The following PLB1 variants were observed in gnomAD, a reference collection of about 807,000 sequenced individuals.
PLB1 encodes phospholipase B1, membrane-associated.
PLB1 carries 242 observed loss-of-function variants against 227.4 expected under a neutral mutation model. The observed-to-expected ratio is 1.06, with a 90% CI of 0.96 to 1.18. The LOEUF (loss-of-function observed/expected upper bound fraction) is 1.18. Ranked by LOEUF, PLB1 falls within the 50% of genes most tolerant of loss-of-function variation. The probability of loss-of-function intolerance (pLI) is 0.00; values close to 1 mark genes in which losing one functional copy is unlikely to be tolerated. For synonymous variants in PLB1, 757 were observed against 682.2 expected, an observed-to-expected ratio of 1.11 and a Z score of -1.71; for missense variants, 1,858 against 1,816.3, an observed-to-expected ratio of 1.02 and a Z score of -0.42.
At position 28,627,965 on chromosome 2, in the gene PLB1, G is replaced by A. The variant is rs1688038846; in HGVS notation, c.3661-598G>A. Among the ~76,000 whole-genome samples, 4 of 152,270 alleles carry A rather than the reference G, an allele frequency of 2.6e-5. No homozygotes were observed. In the South Asian group the frequency reaches 8.3e-4, roughly 32 times the overall value. ...GAGGCCCATCTCCCTCTGCTATAAA[G>A]CAAAGCCCTGAGATTCAGCCTGCAA... On this transcript the variant is annotated intron_variant, in intron 51 of 57. Coordinates refer to ENST00000327757, the MANE Select transcript of PLB1 (RefSeq NM_153021.5).
At chr2:28,540,101 A>G (rs1481298722) in intron 11 of PLB1, among the ~76,000 whole-genome samples, 1 of 109,342 alleles carries the variant, frequency 9.1e-6, no homozygotes, top group Non-Finnish European at 1.8e-5. Context: ...CCTCCATCCC[A>G]TATCGACCCC....
chr2:28,616,857 C>T (rs1288943381), intron 44 of PLB1, among the ~76,000 whole-genome samples: 2 of 152,206 alleles, frequency 1.3e-5, no homozygotes, highest in East Asian at 3.8e-4. Context: ...AATATTTCAA[C>T]AAGTCTTATC....
At chr2:28,525,840 G>C in intron 5 of PLB1, 65 bp from the exon 6 acceptor site, 5 of 1,580,106 alleles carry the variant, frequency 3.2e-6, no homozygotes, top group Non-Finnish European at 4.3e-6. Context: ...CACAGCCAAG[G>C]GGAAGGGCTA....
intron 22 of PLB1, among the ~76,000 whole-genome samples, chr2:28,579,281 C>T (rs928826336): frequency 1.3e-5 from 2 of 152,152 alleles, no homozygotes; most frequent in African/African-American, 4.8e-5. Context: ...TTCCCATGGC[C>T]AAAACCAGCT....
chr2:28,601,470 C>A lies in PLB1; in HGVS notation c.2607+138C>A, dbSNP rs78338623. On this transcript the variant is annotated intron_variant, in intron 37 of 57. Transcript: ENST00000327757. ...CCTATGTCTGCACATATACACATAC[C>A]ACACACACACACACACACACACACA... The A allele has an allele frequency of 2.3e-4, 44 of 194,646 alleles. No individual in the cohort carries two copies. In the African/African-American group the frequency reaches 3.7e-3, roughly 16 times the overall value. The allele number at this position is 194,646 out of a possible 1,614,324, so 12.1% of individuals were successfully genotyped here.
chr2:28,528,533 A>C (rs1214433261), intron 6 of PLB1, among the ~76,000 whole-genome samples: 7 of 152,136 alleles, frequency 4.6e-5, no homozygotes, highest in Non-Finnish European at 8.8e-5. Flanking sequence ...TCCCAGCATC[A>C]CTTTCTCTAA....
At chr2:28,604,123 G>A in intron 40 of PLB1, 76 bp downstream of exon 40, 1 of 1,382,752 alleles carries the variant, frequency 7.2e-7, no homozygotes, top group Non-Finnish European at 1.0e-6. Flanking sequence ...GCCCCTAGAG[G>A]AGGCACACAG....
intron 1 of PLB1, among the ~76,000 whole-genome samples, chr2:28,502,985 A>T (rs1233857697): frequency 6.6e-6 from 1 of 151,994 alleles, no homozygotes; most frequent in African/African-American, 2.4e-5. Flanking sequence ...GTCCATTTCG[A>T]GTAAATTTGC....
At position 28,640,952 on chromosome 2, in the gene PLB1, C is replaced by T; in HGVS notation, c.4124C>T (p.Thr1375Ile). The change falls in exon 57 of 58, where the codon ACC becomes ATC. Residue 1375 changes from threonine (T) to isoleucine (I), a missense_variant. By Grantham distance (89) the Thr-to-Ile change is moderately conservative. Coordinates refer to ENST00000327757, the MANE Select transcript of PLB1 (RefSeq NM_153021.5). ...NMLEPVGRKTTSNNFTHSRAK... is the reference protein window; with the variant it reads ...NMLEPVGRKTISNNFTHSRAK... ...CTGGAACCAGTGGGCCGCAAGACTA[C>T]CTCCAACAACTTCACCCACAGCCGA... is the stretch of plus-strand genomic sequence containing the variant. 1.2e-6 allele frequency: 2 copies of T among 1,613,886 alleles called. No homozygotes were observed. The highest frequency in any genetic ancestry group is 1.7e-6 in the Non-Finnish European group (2 of 1,179,884).
intron 1 of PLB1, among the ~76,000 whole-genome samples, chr2:28,513,320 C>T (rs1430896274): frequency 6.6e-6 from 1 of 152,212 alleles, no homozygotes; most frequent in Non-Finnish European, 1.5e-5. Flanking sequence ...TTATTCAAGT[C>T]TGGTCTTTAG....
chr2:28,593,791 CA>C, intron 33 of PLB1, 37 bp downstream of exon 33: 1 of 1,565,280 alleles, frequency 6.4e-7, no homozygotes. Flanking sequence ...GCGTTCCCCC[CA>C]CAACAGAGAT....
chr2:28,508,084 C>T (rs530069445), intron 1 of PLB1, among the ~76,000 whole-genome samples: 25 of 152,264 alleles, frequency 1.6e-4, no homozygotes, highest in East Asian at 3.9e-4. Context: ...TCTGGAAATT[C>T]GGGATAGAAG....
intron 50 of PLB1, 77 bp from the exon 51 acceptor site, chr2:28,626,351 C>T (rs1010191731): frequency 3.4e-5 from 41 of 1,219,476 alleles, no homozygotes; most frequent in East Asian, 4.7e-5. Context: ...ACTTGGAGGG[C>T]GGGCGGGCTG....
chr2:28,542,443 G>A (rs1413988446), intron 13 of PLB1, among the ~76,000 whole-genome samples: 7 of 152,068 alleles, frequency 4.6e-5, no homozygotes, highest in South Asian at 2.1e-4. Context: ...ACTCTGTTCT[G>A]TAAAATCAGG....
In PLB1 at chr2:28,590,077, G is replaced by A. The variant is rs201617015; in HGVS notation, c.2088+1G>A. The A allele has an allele frequency of 4.9e-5, 79 of 1,610,598 alleles. No homozygotes were observed. The East Asian group carries it at 1.4e-3, about 30-fold the overall frequency. On this transcript the variant is annotated splice_donor_variant, in intron 29 of 57. Coordinates refer to ENST00000327757, the MANE Select transcript of PLB1 (RefSeq NM_153021.5). LOFTEE classifies it high-confidence loss of function. ...GATCAATATCACATGTCCGAACCAGGTAGAGTGGAAAGCACGTCCTTCCAG... is the reference window on the plus strand; with the variant it reads ...GATCAATATCACATGTCCGAACCAGATAGAGTGGAAAGCACGTCCTTCCAG...
At chr2:28,600,298 CAAAAG>C (rs2148297715) in intron 35 of PLB1, among the ~76,000 whole-genome samples, 1 of 152,178 alleles carries the variant, frequency 6.6e-6, no homozygotes, top group African/African-American at 2.4e-5. Context: ...AGTTTACAAA[CAAAAG>C]AATATACGTA....
chr2:28,587,898 TGCTGAGCA>T (rs1414467764), intron 26 of PLB1, among the ~76,000 whole-genome samples: 9 of 152,168 alleles, frequency 5.9e-5, no homozygotes, highest in Non-Finnish European at 1.0e-4. Context: ...TGGGTTCAGA[TGCTGAGCA>T]GCTGAAAAGC....
chr2:28,582,301 G>A, intron 24 of PLB1, 104 bp from the exon 25 acceptor site: 4 of 1,196,464 alleles, frequency 3.3e-6, no homozygotes, highest in South Asian at 1.3e-5. Flanking sequence ...GGGGGCAGAT[G>A]GAAGTCCCTA....
At chr2:28,569,896 G>A (rs1677702905) in intron 20 of PLB1, among the ~76,000 whole-genome samples, 2 of 150,262 alleles carry the variant, frequency 1.3e-5, no homozygotes, top group Non-Finnish European at 3.0e-5. Flanking sequence ...AACCCTGGAG[G>A]CAGAGCTTGC....
Sources: allele counts gnomAD v4.1 joint callset (sites outside exome capture counted in the v4.1 genomes callset), GRCh38; gene constraint gnomAD v4.1.1; transcripts MANE v1.5; gene names NCBI Gene and HGNC (gene_info 2026-07-23, HGNC 2026-07-21).